The following KIAA0825 variants were observed in gnomAD, a reference collection of about 807,000 sequenced individuals.
KIAA0825 encodes the protein uncharacterized protein KIAA0825.
Under a neutral mutation model 147.6 loss-of-function variants are expected in KIAA0825, and 119 were observed. The observed-to-expected ratio is 0.81, with a 90% CI of 0.69 to 0.94. The LOEUF (loss-of-function observed/expected upper bound fraction) is 0.94. Ranked by LOEUF, KIAA0825 falls within the 40% of genes least tolerant of loss-of-function variation. The pLI is 0.00. For missense variants in KIAA0825, 1,381 were observed against 1,472.7 expected (o/e 0.94, Z 1.02); for synonymous variants, 470 against 518.1 (o/e 0.91, Z 1.26).
At chr5:94,279,522 A>G (rs886870525) in intron 20 of KIAA0825, among the ~76,000 whole-genome samples, 4 of 152,082 alleles carry the variant, frequency 2.6e-5, no homozygotes, top group African/African-American at 9.7e-5. Flanking sequence ...AGGGTGGACC[A>G]ACTGCATCAT....
chr5:94,405,607 A>G (rs1751938275), intron 15 of KIAA0825, among the ~76,000 whole-genome samples: 1 of 152,224 alleles, frequency 6.6e-6, no homozygotes, highest in African/African-American at 2.4e-5. Flanking sequence ...TTGATGCTTC[A>G]TAACTTTAGC....
intron 18 of KIAA0825, among the ~76,000 whole-genome samples, chr5:94,390,078 T>A (rs1188541643): frequency 6.6e-6 from 1 of 152,244 alleles, no homozygotes; most frequent in Non-Finnish European, 1.5e-5. Context: ...ATGAGCTCTA[T>A]GAGGGAAGTA....
At position 94,479,615 on chromosome 5, in the gene KIAA0825, A is replaced by G. The variant is rs143428571; in HGVS notation, c.1133-2410T>C. Among the ~76,000 whole-genome samples, 771 of 152,260 alleles carry G rather than the reference A, an allele frequency of 5.1e-3. 4 individuals are homozygous for G. Among genetic ancestry groups the G allele is most frequent in the Middle Eastern group, 0.017 (5 of 294 alleles). ...TTTCAACTCATTTGGATAAATACCTACGAGTGCAATTGCTGGATTGTATGG... is the reference window on the plus strand; with the variant it reads ...TTTCAACTCATTTGGATAAATACCTGCGAGTGCAATTGCTGGATTGTATGG... On this transcript the variant is annotated intron_variant, in intron 6 of 20. Transcript: ENST00000682413.
At chr5:94,535,997 C>T (rs781061374) in intron 3 of KIAA0825, among the ~76,000 whole-genome samples, 3 of 152,152 alleles carry the variant, frequency 2.0e-5, no homozygotes, top group Non-Finnish European at 4.4e-5. Context: ...TTTTTGCAAG[C>T]TCTTAGTGAA....
At chr5:94,311,049 TA>T (rs1036075707) in intron 20 of KIAA0825, among the ~76,000 whole-genome samples, 2 of 151,682 alleles carry the variant, frequency 1.3e-5, no homozygotes, top group Non-Finnish European at 3.0e-5. Context: ...AGAAAAATTG[TA>T]AATAGCAAGG....
At chr5:94,385,300 C>G (rs1216666322) in intron 19 of KIAA0825, among the ~76,000 whole-genome samples, 1 of 152,178 alleles carries the variant, frequency 6.6e-6, no homozygotes, top group Non-Finnish European at 1.5e-5. Context: ...TCCCCTGTCA[C>G]CTGCTGATTA....
chr5:94,616,852 G>A (rs59077119), intron 1 of KIAA0825, among the ~76,000 whole-genome samples: 12,424 of 152,210 alleles, frequency 0.082, 557 homozygotes, highest in South Asian at 0.12. Context: ...ATTTCTAAAT[G>A]TGACATACTA....
intron 2 of KIAA0825, among the ~76,000 whole-genome samples, chr5:94,571,722 G>C (rs1283841860): frequency 6.6e-6 from 1 of 152,146 alleles, no homozygotes; most frequent in Non-Finnish European, 1.5e-5. Flanking sequence ...ATGGTGGATG[G>C]TAAGTGTCAA....
intron 3 of KIAA0825, among the ~76,000 whole-genome samples, chr5:94,531,938 T>G (rs2151299647): frequency 6.6e-6 from 1 of 152,294 alleles, no homozygotes; most frequent in South Asian, 2.1e-4. Context: ...TTTGTGTGTG[T>G]GTGTGAGTGT....
At chr5:94,229,502 ATTT>A (rs769082743) in intron 20 of KIAA0825, among the ~76,000 whole-genome samples, 17 of 138,786 alleles carry the variant, frequency 1.2e-4, no homozygotes, top group African/African-American at 4.2e-4. Flanking sequence ...TCCATATTGA[ATTT>A]TTTTTTTTTT....
intron 20 of KIAA0825, among the ~76,000 whole-genome samples, chr5:94,226,989 C>A (rs1185461220): frequency 1.3e-5 from 2 of 152,118 alleles, no homozygotes; most frequent in Non-Finnish European, 2.9e-5. Context: ...GTCAGTGTGG[C>A]GATTCCTCAG....
chr5:94,422,159 TC>T (rs1274949338), intron 14 of KIAA0825, among the ~76,000 whole-genome samples: 1 of 152,168 alleles, frequency 6.6e-6, no homozygotes, highest in African/African-American at 2.4e-5. Flanking sequence ...CAGGAAGGTC[TC>T]TTTGACCTAC....
At chr5:94,331,884 C>T (rs1329789409) in intron 20 of KIAA0825, among the ~76,000 whole-genome samples, 14 of 152,060 alleles carry the variant, frequency 9.2e-5, no homozygotes, top group Non-Finnish European at 2.1e-4. Context: ...TGGTGGCTCA[C>T]ACCTGTAATC....
At chr5:94,338,393 T>G in intron 20 of KIAA0825, among the ~76,000 whole-genome samples, 1 of 152,126 alleles carries the variant, frequency 6.6e-6, no homozygotes, top group Admixed American at 6.6e-5. Flanking sequence ...TAGGATAAAA[T>G]GCCAGGCTCT....
chr5:94,428,146 TGTGTGTGTG>T (rs1562487357), intron 14 of KIAA0825, among the ~76,000 whole-genome samples: 38 of 9,792 alleles, frequency 3.9e-3, no homozygotes, highest in Non-Finnish European at 8.8e-3. Flanking sequence ...GGTCTTGTTG[TGTGTGTGTG>T]TGTGTGTGTG....
At chr5:94,464,844 C>T (rs1291987574) in intron 11 of KIAA0825, 25 bp downstream of exon 11, 1 of 1,530,544 alleles carries the variant, frequency 6.5e-7, no homozygotes, top group African/African-American at 1.4e-5. Context: ...TCTTGAAAAG[C>T]AATGTTTTTC....
chr5:94,382,413 A>G (rs1448445151), intron 20 of KIAA0825, among the ~76,000 whole-genome samples: 1 of 152,244 alleles, frequency 6.6e-6, no homozygotes, highest in African/African-American at 2.4e-5. Flanking sequence ...CCGGTTCAAT[A>G]TTAAACAAAA....
At chr5:94,223,351 G>C (rs964163041) in intron 20 of KIAA0825, among the ~76,000 whole-genome samples, 6 of 152,108 alleles carry the variant, frequency 3.9e-5, no homozygotes, top group Non-Finnish European at 8.8e-5. Context: ...TGTCTCCTGG[G>C]TCCCATATCT....
intron 20 of KIAA0825, among the ~76,000 whole-genome samples, chr5:94,188,364 T>G (rs1770352430): frequency 6.6e-6 from 1 of 152,208 alleles, no homozygotes; most frequent in Admixed American, 6.5e-5. Flanking sequence ...CATATTTAAT[T>G]GTGAGAAAGT....
Sources: allele counts gnomAD v4.1 joint callset (sites outside exome capture counted in the v4.1 genomes callset), GRCh38; gene constraint gnomAD v4.1.1; transcripts MANE v1.5; gene names NCBI Gene and HGNC (gene_info 2026-07-23, HGNC 2026-07-21).